CCM2: variants seen among roughly 807,000 people sequenced by gnomAD.
CCM2 encodes CCM2 scaffold protein, also known as cerebral cavernous malformations 2 protein.
A neutral mutation model predicts 44.9 loss-of-function variants in CCM2; 25 were observed. That is an observed-to-expected ratio of 0.56 (90% CI 0.41 to 0.78). The LOEUF (loss-of-function observed/expected upper bound fraction) is 0.78. Among genes scored for constraint, CCM2 ranks in the 30% least tolerant of loss-of-function variants. CCM2 has a pLI of 0.00. For synonymous variants in CCM2, 219 were observed against 241.1 expected, an observed-to-expected ratio of 0.91 and a Z score of 0.85; for missense variants, 481 against 580.6, an observed-to-expected ratio of 0.83 and a Z score of 1.76.
chr7:45,069,758 C>G (rs1396348146), intron 5 of CCM2, 68 bp from the exon 6 acceptor site: 2 of 1,604,038 alleles, frequency 1.2e-6, no homozygotes, highest in African/African-American at 2.7e-5. Flanking sequence ...CCCAGGTATC[C>G]TGGAAGCCGC....
At chr7:45,023,465 G>T (rs1465388694) in intron 1 of CCM2, among the ~76,000 whole-genome samples, 1 of 152,150 alleles carries the variant, frequency 6.6e-6, no homozygotes, top group African/African-American at 2.4e-5. Flanking sequence ...CGGGAGAATC[G>T]CTTGAACTTG....
At chr7:45,055,076 C>G (rs1798196032) in intron 2 of CCM2, among the ~76,000 whole-genome samples, 1 of 152,178 alleles carries the variant, frequency 6.6e-6, no homozygotes, top group East Asian at 1.9e-4. Context: ...CTTTAGAGAT[C>G]TGTGAGCCTG....
chr7:45,008,200 C>T (rs776077054), intron 1 of CCM2, among the ~76,000 whole-genome samples: 10 of 151,760 alleles, frequency 6.6e-5, no homozygotes, highest in Admixed American at 3.9e-4. Flanking sequence ...TTCCCATGCC[C>T]GGCTAATTTT....
rs141595650 is a variant in CCM2, at chr7:45,003,100, A to C, written c.30+2737A>C. 7.9e-5 allele frequency among the ~76,000 whole-genome samples: 12 copies of C among 151,796 alleles called. No homozygotes were observed. In the East Asian group the frequency reaches 2.3e-3, roughly 30 times the overall value. On this transcript the variant is annotated intron_variant, in intron 1 of 9. Coordinates refer to ENST00000258781, the MANE Select transcript of CCM2 (RefSeq NM_031443.4). ...TGTAATTCCTTTTTTTTTGAGATAG[A>C]GTTTCGCTCTTGTTGCCCAGGCTGG...
intron 1 of CCM2, among the ~76,000 whole-genome samples, chr7:45,010,465 C>T (rs1247896661): frequency 6.6e-6 from 1 of 152,094 alleles, no homozygotes; most frequent in Non-Finnish European, 1.5e-5. Context: ...TCACTGTACT[C>T]AGCATAATGT....
At chr7:45,070,483 C>G (rs764284695) in intron 6 of CCM2, 1 of 456,258 alleles carries the variant, frequency 2.2e-6, no homozygotes, top group Non-Finnish European at 4.4e-6. Flanking sequence ...ATGGAAGGTA[C>G]CCCAGAGCTG....
In CCM2 at chr7:45,038,198, C is replaced by A; in HGVS notation, c.31-55C>A. On this transcript the variant is annotated intron_variant, in intron 1 of 9. Coordinates refer to ENST00000258781, the MANE Select transcript of CCM2 (RefSeq NM_031443.4). ...TACTTCTGTTTGTTAACCATAGGTACAACACAAAGCATTTGTAAATAATGA... is the reference window on the plus strand; with the variant it reads ...TACTTCTGTTTGTTAACCATAGGTAAAACACAAAGCATTTGTAAATAATGA... 5 of 1,602,148 alleles carry A rather than the reference C, an allele frequency of 3.1e-6. No individual in the cohort carries two copies. The Middle Eastern group carries it at 5.0e-4, about 159-fold the overall frequency.
At chr7:45,068,705 C>T in intron 5 of CCM2, 126 bp downstream of exon 5, 1 of 1,225,460 alleles carries the variant, frequency 8.2e-7, no homozygotes, top group Non-Finnish European at 1.2e-6. Context: ...CTTCCTCTGC[C>T]ATTGCCTGTC....
At chr7:45,049,216 C>T (rs754662525) in intron 2 of CCM2, among the ~76,000 whole-genome samples, 1 of 152,170 alleles carries the variant, frequency 6.6e-6, no homozygotes, top group Non-Finnish European at 1.5e-5. Flanking sequence ...CTCGGCTTCT[C>T]AAAGTGATAG....
At chr7:45,057,396 C>T (rs1414562057) in intron 2 of CCM2, among the ~76,000 whole-genome samples, 1 of 152,046 alleles carries the variant, frequency 6.6e-6, no homozygotes, top group Non-Finnish European at 1.5e-5. Context: ...ATACTGACCT[C>T]GTGATCCACC....
At chr7:45,006,290 T>C (rs1795844750) in intron 1 of CCM2, among the ~76,000 whole-genome samples, 2 of 152,006 alleles carry the variant, frequency 1.3e-5, no homozygotes, top group South Asian at 4.1e-4. Flanking sequence ...CTGAAGCCCC[T>C]ACTTCCAGGA....
chr7:45,022,525 C>G (rs1303834671), intron 1 of CCM2, among the ~76,000 whole-genome samples: 1 of 151,658 alleles, frequency 6.6e-6, no homozygotes, highest in East Asian at 1.9e-4. Context: ...CCAGGATGGT[C>G]TCCATCTCCT....
rs560168299 is a variant in CCM2 at position 45,034,915 on chromosome 7, G to A, written c.31-3338G>A. On this transcript the variant is annotated intron_variant, in intron 1 of 9. Coordinates refer to ENST00000258781, the MANE Select transcript of CCM2 (RefSeq NM_031443.4). ...TGCAATGGCATGATCACAGCTTACC[G>A]CAGCCTTGACCTACCGGGCTCAAGC... is the stretch of plus-strand genomic sequence containing the variant. 3.6e-3 allele frequency among the ~76,000 whole-genome samples: 540 copies of A among 151,574 alleles called. 4 individuals are homozygous for A. The highest frequency in any genetic ancestry group is 0.012 in the African/African-American group (511 of 41,240).
rs769680088 is a variant in CCM2, at chr7:45,076,044, A to G, written c.1322A>G (p.Gln441Arg). ...DIEALGCSMD[Q>R]DSA is the part of the protein sequence containing the mutation. ...GAGGCGCTGGGCTGCAGCATGGACCAGGACTCAGCATGATGGACAGTGGAT... is the reference window on the plus strand; with the variant it reads ...GAGGCGCTGGGCTGCAGCATGGACCGGGACTCAGCATGATGGACAGTGGAT... The change falls in exon 10 of 10, where the codon CAG (glutamine) becomes CGG (arginine). Residue 441 changes from glutamine to arginine, a missense_variant. Transcript: ENST00000258781. The G allele has an allele frequency of 2.5e-6, 4 of 1,613,042 alleles. No homozygotes were observed. The highest frequency in any genetic ancestry group is 3.4e-6 in the Non-Finnish European group (4 of 1,180,028).
chr7:45,000,326 G>A lies in CCM2; in HGVS notation c.-8G>A, dbSNP rs1476414898. 5 of 1,270,802 alleles carry A rather than the reference G, an allele frequency of 3.9e-6. 1 individual carries two copies. The South Asian group carries it at 9.3e-5, about 24-fold the overall frequency. 78.7% of individuals were successfully genotyped at this position (1,270,802 alleles called of 1,614,324 possible). A position where few individuals can be genotyped will look rare whatever the true frequency, so the allele number is the denominator to read the frequency against. ...GCCGGGCGGGCCGCGGGAGCCGCACGCGGCGATATGGAAGAGGAGGGCAAG... is the reference window on the plus strand; with the variant it reads ...GCCGGGCGGGCCGCGGGAGCCGCACACGGCGATATGGAAGAGGAGGGCAAG... On this transcript the variant is annotated 5_prime_UTR_variant, in exon 1 of 10. Transcript: ENST00000258781.
At chr7:45,018,513 C>T (rs554622602) in intron 1 of CCM2, among the ~76,000 whole-genome samples, 3 of 152,056 alleles carry the variant, frequency 2.0e-5, no homozygotes, top group African/African-American at 7.2e-5. Flanking sequence ...CATACCACCA[C>T]GCCCAGCTAA....
chr7:45,000,638 G>A (rs879418412), intron 1 of CCM2, among the ~76,000 whole-genome samples: 42 of 152,378 alleles, frequency 2.8e-4, no homozygotes, highest in Admixed American at 2.5e-3. Context: ...ACCTGGGGCT[G>A]CAGAGGAAGT....
intron 2 of CCM2, among the ~76,000 whole-genome samples, chr7:45,047,777 A>G (rs1797828473): frequency 6.6e-6 from 1 of 152,206 alleles, no homozygotes; most frequent in Non-Finnish European, 1.5e-5. Context: ...GGCTGTGTTT[A>G]CATCCATGTC....
chr7:45,014,246 T>C (rs2128715535), intron 1 of CCM2, among the ~76,000 whole-genome samples: 1 of 152,268 alleles, frequency 6.6e-6, no homozygotes, highest in Middle Eastern at 3.4e-3. Flanking sequence ...TTCAAGCGAT[T>C]CTTCTGCCTC....
Sources: gnomAD v4.1 joint callset for allele counts (sites outside exome capture counted in the v4.1 genomes callset) on GRCh38, gnomAD v4.1.1 for gene constraint, MANE v1.5 for transcripts, NCBI Gene and HGNC (gene_info 2026-07-23, HGNC 2026-07-21) for gene names.